The following TNFAIP1 variants were observed in gnomAD, a reference collection of about 807,000 sequenced individuals.
The protein encoded by TNFAIP1 is TNF alpha induced protein 1.
In TNFAIP1, 20 loss-of-function variants were observed where a neutral mutation model predicts 32.6. That is an observed-to-expected ratio of 0.61 (90% CI 0.43 to 0.89). The LOEUF (loss-of-function observed/expected upper bound fraction) is 0.89. TNFAIP1 is among the 40% of genes least tolerant of loss of function. The pLI is 0.00. For missense variants in TNFAIP1, 319 were observed against 425.1 expected, an observed-to-expected ratio of 0.75 and a Z score of 2.20; for synonymous variants, 166 against 166.8, an observed-to-expected ratio of 1.00 and a Z score of 0.04.
Position 28,340,391 on chromosome 17 carries a change from G to A in TNFAIP1, c.288G>A (p.Gln96=), listed in dbSNP as rs1331155201. ...YLRDDTITLP[Q]NRQEIKELMA... is the part of the protein sequence containing the mutation. ...GAGATGACACCATCACCCTCCCTCAGAACCGGCAAGAAATCAAGGAATTGA... is the reference window on the plus strand; with the variant it reads ...GAGATGACACCATCACCCTCCCTCAAAACCGGCAAGAAATCAAGGAATTGA... Residue 96 remains glutamine (Q), a synonymous_variant, in exon 3 of 7, where the codon CAG becomes CAA. Transcript: ENST00000226225. The surrounding 1 kb of genome is among the most constrained non-coding windows in gnomAD (Gnocchi z 4.1). 4 of 1,613,900 alleles carry A rather than the reference G, an allele frequency of 2.5e-6. No homozygotes were observed. Among genetic ancestry groups the A allele is most frequent in the Non-Finnish European group, 3.4e-6 (4 of 1,179,984 alleles).
At chr17:28,343,633 G>C (rs781924263) in intron 6 of TNFAIP1, among the ~76,000 whole-genome samples, 3 of 152,040 alleles carry the variant, frequency 2.0e-5, no homozygotes, top group Admixed American at 1.3e-4. Flanking sequence ...TGCGACGGAA[G>C]TGGCAGCGCA....
rs782012131 is a variant in TNFAIP1, at chr17:28,344,527, G to A, written c.878G>A (p.Arg293His). 1.4e-5 allele frequency: 23 copies of A among 1,613,710 alleles called. No homozygotes were observed. The highest frequency in any genetic ancestry group is 8.0e-5 in the African/African-American group (6 of 74,912). The change falls in exon 7 of 7, where the codon CGC (arginine) becomes CAC (histidine). Residue 293 changes from arginine to histidine, a missense_variant. Transcript: ENST00000226225. ...EETFELRDRV[R>H]RIHVKRYSTY... ...ACCTTTGAACTGCGGGACCGTGTCC[G>A]CCGCATCCACGTCAAGCGCTACAGC...
At chr17:28,337,650 GAGCC>G (rs1567785201) in intron 1 of TNFAIP1, among the ~76,000 whole-genome samples, 1 of 152,060 alleles carries the variant, frequency 6.6e-6, no homozygotes, top group Non-Finnish European at 1.5e-5. Context: ...TTACAGGTGT[GAGCC>G]ACCACACCCG....
chr17:28,342,222 C>T lies in TNFAIP1; in HGVS notation c.519-25C>T, dbSNP rs189853554. The T allele has an allele frequency of 2.2e-5, 34 of 1,556,694 alleles. No homozygotes were observed. Among genetic ancestry groups the T allele is most frequent in the Non-Finnish European group, 2.9e-5 (33 of 1,141,032 alleles). On this transcript the variant is annotated intron_variant, in intron 5 of 6. Coordinates refer to ENST00000226225, the MANE Select transcript of TNFAIP1 (RefSeq NM_021137.5). This position sits in a 1 kb window ranked among gnomAD's most constrained non-coding sequence, Gnocchi z 4.0. ...CTTGGACTGGAACCTCACTCCCAGC[C>T]GCTTGGCCCTCATGTTTTTTTCAGC...
Position 28,346,732 on chromosome 17 carries a change from A to G in TNFAIP1, c.*2132A>G, listed in dbSNP as rs1241815794. 2 of 152,106 alleles carry G rather than the reference A, an allele frequency of 1.3e-5. No individual in the cohort carries two copies. Among genetic ancestry groups the G allele is most frequent in the Non-Finnish European group, 2.9e-5 (2 of 68,032 alleles). 9.4% of individuals were successfully genotyped at this position (152,106 alleles called of 1,614,324 possible). A position where few individuals can be genotyped will look rare whatever the true frequency, so the allele number is the denominator to read the frequency against. ...CAGAAAGCAACTCTTGGCTGTGTGC[A>G]TTTTTCAACTCCAAGCAGCCCAGGG... is the stretch of plus-strand genomic sequence containing the variant. On this transcript the variant is annotated 3_prime_UTR_variant, in exon 7 of 7. Coordinates refer to ENST00000226225, the MANE Select transcript of TNFAIP1 (RefSeq NM_021137.5).
Position 28,339,519 on chromosome 17 carries a change from G to C in TNFAIP1, c.-3G>C, listed in dbSNP as rs782338080. On this transcript the variant is annotated 5_prime_UTR_variant, in exon 2 of 7. Coordinates refer to ENST00000226225, the MANE Select transcript of TNFAIP1 (RefSeq NM_021137.5). ...CCGTGTGGTGATCTACCTGCAGCGG[G>C]AGATGTCGGGGGACACCTGCCTGTG... 2 of 1,592,966 alleles carry C rather than the reference G, an allele frequency of 1.3e-6. No homozygotes were observed. Among genetic ancestry groups the C allele is most frequent in the Non-Finnish European group, 1.7e-6 (2 of 1,168,390 alleles).
rs1244016801 is a variant in TNFAIP1 at position 28,342,579 on chromosome 17, C to A, written c.714+137C>A. On this transcript the variant is annotated intron_variant, in intron 6 of 6. Transcript: ENST00000226225. The surrounding 1 kb of genome is among the most constrained non-coding windows in gnomAD (Gnocchi z 4.0). ...TTCCAAACACGGTAATGGTGCTGGG[C>A]AAGGACAAGGCCAGAACAAGGGGTG... is the stretch of plus-strand genomic sequence containing the variant. The A allele has an allele frequency of 6.0e-6, 5 of 836,996 alleles. No individual in the cohort carries two copies. In the East Asian group the frequency reaches 1.1e-4, roughly 18 times the overall value. 51.8% of individuals were successfully genotyped at this position (836,996 alleles called of 1,614,324 possible).
In TNFAIP1 at chr17:28,342,425, G is replaced by C; in HGVS notation, c.697G>C (p.Glu233Gln). Reference protein sequence around the residue: ...VCCTSIVYATEKKQTKVEFPE... With the variant: ...VCCTSIVYATQKKQTKVEFPE... Reference sequence around the variant, plus strand: ...CTGTACCTCCATCGTGTATGCCACGGAGAAGAAGCAGACCAAGGTGTGGGG... The same window carrying C: ...CTGTACCTCCATCGTGTATGCCACGCAGAAGAAGCAGACCAAGGTGTGGGG... Residue 233 changes from glutamate (E) to glutamine (Q), a missense_variant, in exon 6 of 7, where the codon GAG (glutamate) becomes CAG (glutamine). Physicochemically the swap from Glu to Gln is conservative, Grantham distance 29. Coordinates refer to ENST00000226225, the MANE Select transcript of TNFAIP1 (RefSeq NM_021137.5). This position sits in a 1 kb window ranked among gnomAD's most constrained non-coding sequence, Gnocchi z 4.0. 1 of 1,584,020 alleles carries C rather than the reference G, an allele frequency of 6.3e-7. No individual in the cohort carries two copies. Among genetic ancestry groups the C allele is most frequent in the Non-Finnish European group, 8.7e-7 (1 of 1,154,822 alleles).
intron 2 of TNFAIP1, 37 bp downstream of exon 2, chr17:28,339,763 CAGG>C (rs782030448): frequency 4.4e-5 from 71 of 1,597,486 alleles, no homozygotes; most frequent in Non-Finnish European, 5.6e-5. Flanking sequence ...GTGGGGAGGG[CAGG>C]AGGAGTTCCC....
intron 1 of TNFAIP1, 116 bp from the exon 2 acceptor site, chr17:28,339,292 A>C: frequency 2.6e-6 from 1 of 378,850 alleles, no homozygotes; most frequent in Non-Finnish European, 4.7e-6. Flanking sequence ...AGCCTCTGCC[A>C]GGGAGCAGTG....
intron 6 of TNFAIP1, 52 bp from the exon 7 acceptor site, chr17:28,344,312 G>A: frequency 1.3e-6 from 2 of 1,537,018 alleles, no homozygotes; most frequent in Admixed American, 3.4e-5. Context: ...CTGACGCATG[G>A]CTTCCTCTTG....
rs1555578628 is a variant in TNFAIP1 at position 28,344,532 on chromosome 17, A to G, written c.883A>G (p.Ile295Val). 1.9e-6 allele frequency: 3 copies of G among 1,613,866 alleles called. No homozygotes were observed. Among genetic ancestry groups the G allele is most frequent in the Admixed American group, 1.7e-5 (1 of 60,018 alleles). The change falls in exon 7 of 7, where the codon ATC (isoleucine) becomes GTC (valine). Residue 295 changes from isoleucine to valine, a missense_variant. Physicochemically the swap from Ile to Val is conservative, Grantham distance 29. Transcript: ENST00000226225. The stretch of plus-strand genomic sequence containing the variant: ...TGAACTGCGGGACCGTGTCCGCCGC[A>G]TCCACGTCAAGCGCTACAGCACTTA... ...TFELRDRVRRIHVKRYSTYDD... is the reference protein window; with the variant it reads ...TFELRDRVRRVHVKRYSTYDD...
chr17:28,342,564 G>C lies in TNFAIP1; in HGVS notation c.714+122G>C, dbSNP rs868920654. 1.0e-6 allele frequency: 1 copy of C among 992,730 alleles called. No individual in the cohort carries two copies. Among genetic ancestry groups the C allele is most frequent in the Non-Finnish European group, 1.4e-6 (1 of 704,974 alleles). The allele number at this position is 992,730 out of a possible 1,614,324, so 61.5% of individuals were successfully genotyped here. A position where few individuals can be genotyped will look rare whatever the true frequency, so the allele number is the denominator to read the frequency against. ...GGACTTGGCTCTTTTTTCCAAACACGGTAATGGTGCTGGGCAAGGACAAGG... is the reference window on the plus strand; with the variant it reads ...GGACTTGGCTCTTTTTTCCAAACACCGTAATGGTGCTGGGCAAGGACAAGG... On this transcript the variant is annotated intron_variant, in intron 6 of 6. Coordinates refer to ENST00000226225, the MANE Select transcript of TNFAIP1 (RefSeq NM_021137.5). This position sits in a 1 kb window ranked among gnomAD's most constrained non-coding sequence, Gnocchi z 4.0.
chr17:28,336,284 G>A (rs1294840439), intron 1 of TNFAIP1, among the ~76,000 whole-genome samples: 4 of 152,074 alleles, frequency 2.6e-5, no homozygotes, highest in African/African-American at 9.7e-5. Context: ...CCACGGATCC[G>A]CCCTTAGCCC....
Position 28,346,686 on chromosome 17 carries a change from T to C in TNFAIP1, c.*2086T>C, listed in dbSNP as rs908449882. 6.6e-6 allele frequency: 1 copy of C among 152,230 alleles called. No individual in the cohort carries two copies. The highest frequency in any genetic ancestry group is 2.4e-5 in the African/African-American group (1 of 41,452). 9.4% of individuals were successfully genotyped at this position (152,230 alleles called of 1,614,324 possible). On this transcript the variant is annotated 3_prime_UTR_variant, in exon 7 of 7. Coordinates refer to ENST00000226225, the MANE Select transcript of TNFAIP1 (RefSeq NM_021137.5). Reference sequence around the variant, plus strand: ...TGACTTAAAAGTTTGGGGGTTTTCTTTGAAAGTTTCCAGCCCTATTCAGAA... The same window carrying C: ...TGACTTAAAAGTTTGGGGGTTTTCTCTGAAAGTTTCCAGCCCTATTCAGAA...
In TNFAIP1 at chr17:28,340,498, C is replaced by T. The variant is rs1219356277; in HGVS notation, c.375+20C>T. ...CTGCAGGTACATGGGTGGGGCGGAG[C>T]AGGGCGGGCAGATGAGGTCAGGAGT... is the stretch of plus-strand genomic sequence containing the variant. On this transcript the variant is annotated intron_variant, in intron 3 of 6. Coordinates refer to ENST00000226225, the MANE Select transcript of TNFAIP1 (RefSeq NM_021137.5). This position sits in a 1 kb window ranked among gnomAD's most constrained non-coding sequence, Gnocchi z 4.1. 1 of 1,610,948 alleles carries T rather than the reference C, an allele frequency of 6.2e-7. No homozygotes were observed. Among genetic ancestry groups the T allele is most frequent in the Non-Finnish European group, 8.5e-7 (1 of 1,178,084 alleles).
In TNFAIP1 at chr17:28,344,804, TC is replaced by T. The variant is rs1907491800; in HGVS notation, c.*206del. On this transcript the variant is annotated 3_prime_UTR_variant, in exon 7 of 7. Coordinates refer to ENST00000226225, the MANE Select transcript of TNFAIP1 (RefSeq NM_021137.5). ...CCCCTGAGCACTTCTGGAGACTGCG[TC>T]CTGTCCTATCTGCTCACCATCACCC... 1 of 597,856 alleles carries T rather than the reference TC, an allele frequency of 1.7e-6. No homozygotes were observed. Among genetic ancestry groups the T allele is most frequent in the Non-Finnish European group, 3.0e-6 (1 of 335,706 alleles). 37.0% of individuals were successfully genotyped at this position (597,856 alleles called of 1,614,324 possible).
In TNFAIP1 at chr17:28,342,229, C is replaced by A; in HGVS notation, c.519-18C>A. The A allele has an allele frequency of 6.4e-7, 1 of 1,568,384 alleles. No homozygotes were observed. The highest frequency in any genetic ancestry group is 8.7e-7 in the Non-Finnish European group (1 of 1,146,850). On this transcript the variant is annotated intron_variant, in intron 5 of 6. Transcript: ENST00000226225. The surrounding 1 kb of genome is among the most constrained non-coding windows in gnomAD (Gnocchi z 4.0). ...TGGAACCTCACTCCCAGCCGCTTGGCCCTCATGTTTTTTTCAGCAACTCTG... is the reference window on the plus strand; with the variant it reads ...TGGAACCTCACTCCCAGCCGCTTGGACCTCATGTTTTTTTCAGCAACTCTG...
chr17:28,341,160 G>A (rs1555578095), intron 3 of TNFAIP1, 77 bp from the exon 4 acceptor site: 1 of 1,517,638 alleles, frequency 6.6e-7, no homozygotes, highest in African/African-American at 1.4e-5. Context: ...CCATGGCAGA[G>A]GGGCTCCAGA....
Sources: gnomAD v4.1 joint callset for allele counts (sites outside exome capture counted in the v4.1 genomes callset) on GRCh38, gnomAD v4.1.1 for gene constraint, Gnocchi (gnomAD v3.1) non-coding constraint, MANE v1.5 for transcripts, NCBI Gene and HGNC (gene_info 2026-07-23, HGNC 2026-07-21) for gene names.